The following PRDM16 variants were observed in gnomAD, a reference collection of about 807,000 sequenced individuals.
PRDM16 encodes PR/SET domain 16.
PRDM16 carries 23 observed loss-of-function variants against 110.6 expected under a neutral mutation model. The ratio of observed to expected loss-of-function variants is 0.21; its 90% CI spans 0.15 to 0.29. The LOEUF (loss-of-function observed/expected upper bound fraction) is 0.29. PRDM16 is among the 10% of genes least tolerant of loss of function. The probability of loss-of-function intolerance (pLI) is 1.00; values close to 1 mark genes in which losing one functional copy is unlikely to be tolerated. For missense variants in PRDM16, 1,615 were observed against 1,794.3 expected, an observed-to-expected ratio of 0.90 and a Z score of 1.81; for synonymous variants, 799 against 781.8, an observed-to-expected ratio of 1.02 and a Z score of -0.37.
At chr1:3,156,515 T>C (rs1414055544) in intron 1 of PRDM16, among the ~76,000 whole-genome samples, 2 of 152,222 alleles carry the variant, frequency 1.3e-5, no homozygotes, top group Non-Finnish European at 2.9e-5. Flanking sequence ...AATGGTTTTC[T>C]AGTTTGGAGG....
intron 3 of PRDM16, among the ~76,000 whole-genome samples, chr1:3,288,242 C>T (rs1315460599): frequency 6.6e-6 from 1 of 152,174 alleles, no homozygotes; most frequent in East Asian, 1.9e-4. Flanking sequence ...CCCCCAGGCC[C>T]AGCACTTGGG....
chr1:3,082,864 G>C (rs934530005), intron 1 of PRDM16, among the ~76,000 whole-genome samples: 1 of 152,214 alleles, frequency 6.6e-6, no homozygotes, highest in Non-Finnish European at 1.5e-5. Flanking sequence ...GTGGGAGCAA[G>C]TGCCTGTGGC....
intron 8 of PRDM16, among the ~76,000 whole-genome samples, chr1:3,410,659 G>A (rs1406729861): frequency 3.3e-5 from 5 of 152,160 alleles, no homozygotes; most frequent in Admixed American, 2.0e-4. Context: ...GAGGTGGGAG[G>A]ACACTAGGAA....
At chr1:3,088,154 A>G (rs1344965475) in intron 1 of PRDM16, among the ~76,000 whole-genome samples, 1 of 152,122 alleles carries the variant, frequency 6.6e-6, no homozygotes, top group Non-Finnish European at 1.5e-5. Context: ...CTGCCGGTGC[A>G]GCTTGCACAC....
At position 3,244,407 on chromosome 1, in the gene PRDM16, G is replaced by A. The variant is rs1639742701; in HGVS notation, c.438+270G>A. On this transcript the variant is annotated intron_variant, in intron 3 of 16. Transcript: ENST00000270722. The surrounding 1 kb of genome is among the most constrained non-coding windows in gnomAD (Gnocchi z 4.1). ...TCTCCTAACTCCCGAGAGTGGAGGA[G>A]AGCCCTGTACCTGTGGGAAAGCTTC... Among the ~76,000 whole-genome samples, 1 of 152,076 alleles carries A rather than the reference G, an allele frequency of 6.6e-6. No individual in the cohort carries two copies. Among genetic ancestry groups the A allele is most frequent in the East Asian group, 1.9e-4 (1 of 5,156 alleles).
At chr1:3,261,316 G>A (rs1213736663) in intron 3 of PRDM16, among the ~76,000 whole-genome samples, 1 of 152,104 alleles carries the variant, frequency 6.6e-6, no homozygotes, top group Non-Finnish European at 1.5e-5. Flanking sequence ...AAATGAGGTA[G>A]TCGGGTCAAA....
At chr1:3,171,150 C>T (rs142836046) in intron 1 of PRDM16, among the ~76,000 whole-genome samples, 218 of 152,348 alleles carry the variant, frequency 1.4e-3, no homozygotes, top group African/African-American at 4.7e-3. Flanking sequence ...TATTTCGGGG[C>T]CACGTTTGTT....
intron 2 of PRDM16, among the ~76,000 whole-genome samples, chr1:3,241,322 T>C (rs1484150879): frequency 2.6e-5 from 4 of 152,322 alleles, no homozygotes; most frequent in African/African-American, 9.6e-5. Context: ...GGCTCTTCCG[T>C]GGTTCCACGC....
chr1:3,199,225 C>T (rs1638557548), intron 2 of PRDM16, among the ~76,000 whole-genome samples: 1 of 152,174 alleles, frequency 6.6e-6, no homozygotes, highest in Non-Finnish European at 1.5e-5. Context: ...CCATGGGGTG[C>T]CGCCGAGGAG....
At chr1:3,169,574 G>T (rs1644001246) in intron 1 of PRDM16, among the ~76,000 whole-genome samples, 2 of 152,196 alleles carry the variant, frequency 1.3e-5, no homozygotes, top group South Asian at 4.1e-4. Flanking sequence ...AGGTCCCGGG[G>T]TTGTTGCTGA....
At chr1:3,121,091 C>T (rs926577381) in intron 1 of PRDM16, among the ~76,000 whole-genome samples, 14 of 151,998 alleles carry the variant, frequency 9.2e-5, no homozygotes, top group African/African-American at 3.1e-4. Flanking sequence ...AGTTAGGGCC[C>T]GGCTTGGAGG....
chr1:3,085,193 T>A (rs2742682), intron 1 of PRDM16, among the ~76,000 whole-genome samples: 1 of 152,178 alleles, frequency 6.6e-6, no homozygotes, highest in Admixed American at 6.5e-5. Flanking sequence ...GCAGAGGCAG[T>A]GCAGCCTTGG....
At chr1:3,419,623 G>A (rs1038812480) in intron 12 of PRDM16, among the ~76,000 whole-genome samples, 3 of 152,156 alleles carry the variant, frequency 2.0e-5, no homozygotes. Context: ...GAGGCCATTG[G>A]GGATAAAGAG....
chr1:3,227,481 A>G (rs916918779), intron 2 of PRDM16, among the ~76,000 whole-genome samples: 4 of 152,214 alleles, frequency 2.6e-5, no homozygotes, highest in Non-Finnish European at 4.4e-5. Flanking sequence ...TCTCTCAGGC[A>G]TGGAGCTGCA....
chr1:3,147,165 C>T (rs1643688316), intron 1 of PRDM16, among the ~76,000 whole-genome samples: 1 of 120,338 alleles, frequency 8.3e-6, no homozygotes, highest in African/African-American at 3.3e-5. Flanking sequence ...GAGGTGTGTG[C>T]ACGCACGTGT....
chr1:3,194,578 A>ACCACACGCCACCGTCTCCCCG (rs1557519997), intron 2 of PRDM16, among the ~76,000 whole-genome samples: 2 of 140,250 alleles, frequency 1.4e-5, no homozygotes, highest in African/African-American at 5.8e-5. Flanking sequence ...CTGTCTCCCC[A>ACCACACGCCACCGTCTCCCCG]CCACACGCCA....
At chr1:3,199,672 C>G (rs147003106) in intron 2 of PRDM16, among the ~76,000 whole-genome samples, 1 of 152,296 alleles carries the variant, frequency 6.6e-6, no homozygotes, top group Non-Finnish European at 1.5e-5. Context: ...TGATGAGCCT[C>G]TCTAGTGCAT....
At chr1:3,321,913 T>C (rs1175046727) in intron 3 of PRDM16, among the ~76,000 whole-genome samples, 1 of 151,672 alleles carries the variant, frequency 6.6e-6, no homozygotes, top group African/African-American at 2.4e-5. Context: ...GGAGCACGTG[T>C]GTAAAGGGCA....
At chr1:3,076,453 G>A (rs1432350941) in intron 1 of PRDM16, among the ~76,000 whole-genome samples, 1 of 152,186 alleles carries the variant, frequency 6.6e-6, no homozygotes, top group Non-Finnish European at 1.5e-5. Context: ...CTTGCTAGTG[G>A]CCGCCGGCTG....
Sources: gnomAD v4.1 joint callset for allele counts (sites outside exome capture counted in the v4.1 genomes callset) on GRCh38, gnomAD v4.1.1 for gene constraint, Gnocchi (gnomAD v3.1) non-coding constraint, MANE v1.5 for transcripts, NCBI Gene and HGNC (gene_info 2026-07-23, HGNC 2026-07-21) for gene names.